Variants in DYNC2H1 observed in about 807,000 individuals in gnomAD.
DYNC2H1 encodes the protein cytoplasmic dynein 2 heavy chain 1.
Under a neutral mutation model 570.0 loss-of-function variants are expected in DYNC2H1, and 410 were observed. The ratio of observed to expected loss-of-function variants is 0.72; its 90% CI spans 0.66 to 0.78. The LOEUF (loss-of-function observed/expected upper bound fraction) is 0.78, where lower values mean the gene tolerates loss of function less well. DYNC2H1 is among the 30% of genes least tolerant of loss of function. The pLI is 0.00. For synonymous variants in DYNC2H1, 1,688 were observed against 1,677.6 expected, an observed-to-expected ratio of 1.01 and a Z score of -0.15; for missense variants, 4,865 against 5,046.4, an observed-to-expected ratio of 0.96 and a Z score of 1.09.
rs201719879 is a variant in DYNC2H1, at chr11:103,388,393, G to A, written c.12157-11270G>A. Among the ~76,000 whole-genome samples the A allele has an allele frequency of 2.7e-4, 41 of 152,304 alleles. No individual in the cohort carries two copies. In the East Asian group the frequency reaches 7.3e-3, roughly 27 times the overall value. On this transcript the variant is annotated intron_variant, in intron 83 of 88. Transcript: ENST00000375735. The stretch of plus-strand genomic sequence containing the variant: ...TGCTGAAGTTGCTTATCAGCTTAAG[G>A]AGATTCTGGGCTGAGACAATGAGGT...
rs751295782 is a variant in DYNC2H1 at position 103,186,346 on chromosome 11, A to G, written c.6738A>G (p.Pro2246=). The change falls in exon 42 of 89, where the codon CCA becomes CCG. Residue 2246 remains proline (P), a synonymous_variant. Transcript: ENST00000375735. The surrounding 1 kb of genome is among the most constrained non-coding windows in gnomAD (Gnocchi z 4.5). ...TAGCAACATATGTGCTTAAGAAGCC[A>G]GAAGACTTGACTGCTGATGATTTCA... ...GRLATYVLKK[P]EDLTADDFSN... The G allele has an allele frequency of 2.5e-6, 4 of 1,612,888 alleles. No individual in the cohort carries two copies. Among genetic ancestry groups the G allele is most frequent in the East Asian group, 4.5e-5 (2 of 44,802 alleles).
At position 103,185,180 on chromosome 11, in the gene DYNC2H1, A is replaced by C; in HGVS notation, c.6633+129A>C. On this transcript the variant is annotated intron_variant, in intron 41 of 88. Coordinates refer to ENST00000375735, the MANE Select transcript of DYNC2H1 (RefSeq NM_001377.3). This position sits in a 1 kb window ranked among gnomAD's most constrained non-coding sequence, Gnocchi z 4.5. ...AAATTTGAAATTATGTATTCAATTGAGTAATAATGTATTTATGTATGTGTA... is the reference window on the plus strand; with the variant it reads ...AAATTTGAAATTATGTATTCAATTGCGTAATAATGTATTTATGTATGTGTA... 1 of 719,474 alleles carries C rather than the reference A, an allele frequency of 1.4e-6. No individual in the cohort carries two copies. The highest frequency in any genetic ancestry group is 2.1e-6 in the Non-Finnish European group (1 of 468,302). 44.6% of individuals were successfully genotyped at this position (719,474 alleles called of 1,614,324 possible).
Position 103,253,300 on chromosome 11 carries a change from T to C in DYNC2H1, c.10058T>C (p.Val3353Ala). ...DLVAQGPRYV[V>A]QIGDKIIDYN... ...TTTTAAATAGGACCACGTTATGTGGTACAAATAGGTGACAAAATTATTGAC... is the reference window on the plus strand; with the variant it reads ...TTTTAAATAGGACCACGTTATGTGGCACAAATAGGTGACAAAATTATTGAC... The change falls in exon 66 of 89, where the codon GTA becomes GCA. Residue 3353 changes from valine to alanine, a missense_variant. Transcript: ENST00000375735. 6.2e-7 allele frequency: 1 copy of C among 1,612,598 alleles called. No homozygotes were observed. The highest frequency in any genetic ancestry group is 8.5e-7 in the Non-Finnish European group (1 of 1,179,068).
At chr11:103,345,154 G>A (rs1939679175) in intron 82 of DYNC2H1, among the ~76,000 whole-genome samples, 1 of 152,154 alleles carries the variant, frequency 6.6e-6, no homozygotes, top group Admixed American at 6.5e-5. Context: ...AGCTTTGTCT[G>A]AGATTCATTA....
At chr11:103,413,780 T>C (rs970129844) in intron 84 of DYNC2H1, among the ~76,000 whole-genome samples, 2 of 152,188 alleles carry the variant, frequency 1.3e-5, no homozygotes, top group African/African-American at 4.8e-5. Context: ...TTTTATTGAT[T>C]TAAGGGAAAA....
At chr11:103,255,573 C>T (rs1565436310) in intron 67 of DYNC2H1, 39 bp downstream of exon 67, 2 of 1,439,648 alleles carry the variant, frequency 1.4e-6, no homozygotes, top group Non-Finnish European at 1.8e-6. Flanking sequence ...TTTCGTATTA[C>T]TTTTTTTTTA....
At chr11:103,290,562 A>G (rs1235393759) in intron 75 of DYNC2H1, among the ~76,000 whole-genome samples, 1 of 152,184 alleles carries the variant, frequency 6.6e-6, no homozygotes. Context: ...TACTCAGGAA[A>G]GAAGAGATAG....
intron 80 of DYNC2H1, among the ~76,000 whole-genome samples, chr11:103,317,136 A>AGG (rs1377566742): frequency 6.6e-6 from 1 of 152,132 alleles, no homozygotes; most frequent in African/African-American, 2.4e-5. Flanking sequence ...GGGCGAAGGG[A>AGG]GGGGGACACT....
At chr11:103,250,669 G>A (rs1186919263) in intron 65 of DYNC2H1, among the ~76,000 whole-genome samples, 4 of 151,808 alleles carry the variant, frequency 2.6e-5, no homozygotes, top group South Asian at 4.1e-4. Flanking sequence ...CTAGATTTTT[G>A]AAATGGAAAA....
intron 14 of DYNC2H1, among the ~76,000 whole-genome samples, chr11:103,134,119 T>C (rs1365490151): frequency 2.6e-5 from 4 of 152,170 alleles, no homozygotes; most frequent in Admixed American, 6.5e-5. Context: ...CCATATTAGA[T>C]TGGGGCTATC....
At chr11:103,330,631 T>A (rs1224375033) in intron 82 of DYNC2H1, among the ~76,000 whole-genome samples, 1 of 151,568 alleles carries the variant, frequency 6.6e-6, no homozygotes, top group Non-Finnish European at 1.5e-5. Flanking sequence ...CTATGTGTTA[T>A]GTATATTAAC....
Position 103,109,709 on chromosome 11 carries a change from CGGCAA to C in DYNC2H1, c.136_140del (p.Gly46ProfsTer20). 1.9e-6 allele frequency: 3 copies of C among 1,613,950 alleles called. No individual in the cohort carries two copies. In the Admixed American group the frequency reaches 5.0e-5, roughly 27 times the overall value. On this transcript the variant is annotated frameshift_variant, in exon 1 of 89. Coordinates refer to ENST00000375735, the MANE Select transcript of DYNC2H1 (RefSeq NM_001377.3). LOFTEE classifies it high-confidence loss of function. ...TTGAAATCAACAACTTCTTGGATGA[CGGCAA>C]CCAGATGCTCCTCAGGGTGCAGCGA... is the stretch of plus-strand genomic sequence containing the variant.
chr11:103,423,508 C>T (rs1043513941), intron 84 of DYNC2H1, among the ~76,000 whole-genome samples: 3 of 149,658 alleles, frequency 2.0e-5, no homozygotes, highest in Non-Finnish European at 4.5e-5. Context: ...AATAAAACTT[C>T]ACTAAAATTT....
At chr11:103,388,294 GCTCT>G (rs1209951725) in intron 83 of DYNC2H1, among the ~76,000 whole-genome samples, 1 of 151,932 alleles carries the variant, frequency 6.6e-6, no homozygotes, top group Admixed American at 6.6e-5. Flanking sequence ...TCATGATTTG[GCTCT>G]CTGTTTGTCT....
intron 84 of DYNC2H1, among the ~76,000 whole-genome samples, chr11:103,423,212 T>G (rs1167897777): frequency 6.6e-6 from 1 of 151,558 alleles, no homozygotes; most frequent in Non-Finnish European, 1.5e-5. Context: ...ATGGAATCCA[T>G]TAATCAATGG....
In DYNC2H1 at chr11:103,252,543, A is replaced by C. The variant is rs1864876033; in HGVS notation, c.10043-742A>C. Among the ~76,000 whole-genome samples, 1 of 152,100 alleles carries C rather than the reference A, an allele frequency of 6.6e-6. No individual in the cohort carries two copies. The highest frequency in any genetic ancestry group is 1.5e-5 in the Non-Finnish European group (1 of 68,000). Reference sequence around the variant, plus strand: ...TCTTTTTGATAATACCCATCCTAACAGGTGTGAGTTGATATCTAATAGTGG... The same window carrying C: ...TCTTTTTGATAATACCCATCCTAACCGGTGTGAGTTGATATCTAATAGTGG... On this transcript the variant is annotated intron_variant, in intron 65 of 88. Coordinates refer to ENST00000375735, the MANE Select transcript of DYNC2H1 (RefSeq NM_001377.3). This position sits in a 1 kb window ranked among gnomAD's most constrained non-coding sequence, Gnocchi z 4.6.
At position 103,199,143 on chromosome 11, in the gene DYNC2H1, A is replaced by G. The variant is rs1862617100; in HGVS notation, c.7840-85A>G. 1.0e-5 allele frequency: 10 copies of G among 968,568 alleles called. No individual in the cohort carries two copies. In the East Asian group the frequency reaches 2.5e-4, roughly 24 times the overall value. The allele number at this position is 968,568 out of a possible 1,614,324, so 60.0% of individuals were successfully genotyped here. On this transcript the variant is annotated intron_variant, in intron 48 of 88. Coordinates refer to ENST00000375735, the MANE Select transcript of DYNC2H1 (RefSeq NM_001377.3). The surrounding 1 kb of genome is among the most constrained non-coding windows in gnomAD (Gnocchi z 4.6). ...TTTTTTTCTTGAATGTATCAAAAATATAATATTTTAACCTAGGTAAGTAAC... is the reference window on the plus strand; with the variant it reads ...TTTTTTTCTTGAATGTATCAAAAATGTAATATTTTAACCTAGGTAAGTAAC...
intron 83 of DYNC2H1, among the ~76,000 whole-genome samples, chr11:103,388,646 T>C (rs1941995445): frequency 6.6e-6 from 1 of 152,204 alleles, no homozygotes; most frequent in Non-Finnish European, 1.5e-5. Context: ...GGGTTTCTCA[T>C]AGATAGCTCT....
chr11:103,153,113 T>A, intron 21 of DYNC2H1, among the ~76,000 whole-genome samples, 190 bp from the exon 22 acceptor site: 1 of 152,312 alleles, frequency 6.6e-6, no homozygotes, highest in East Asian at 1.9e-4. Flanking sequence ...AAATTTATGG[T>A]CTAATTTATA....
Sources: allele counts gnomAD v4.1 joint callset (sites outside exome capture counted in the v4.1 genomes callset), GRCh38; gene constraint gnomAD v4.1.1; non-coding constraint Gnocchi (gnomAD v3.1); transcripts MANE v1.5; gene names NCBI Gene and HGNC (gene_info 2026-07-23, HGNC 2026-07-21).